THSD4: variants seen among roughly 807,000 people sequenced by gnomAD.
The protein encoded by THSD4 is thrombospondin type 1 domain containing 4.
Under a neutral mutation model 119.0 loss-of-function variants are expected in THSD4, and 69 were observed. That is an observed-to-expected ratio of 0.58 (90% CI 0.48 to 0.71). The LOEUF is 0.71. THSD4 is among the 30% of genes least tolerant of loss of function. The pLI is 0.00. For synonymous variants in THSD4, 524 were observed against 540.4 expected (o/e 0.97, Z 0.42); for missense variants, 1,393 against 1,391.1 (o/e 1.00, Z -0.02).
chr15:71,776,145 T>C lies in THSD4; in HGVS notation c.2915-1087T>C, dbSNP rs1046584062. Among the ~76,000 whole-genome samples the C allele has an allele frequency of 2.6e-5, 4 of 152,366 alleles. No homozygotes were observed. In the South Asian group the frequency reaches 6.2e-4, roughly 24 times the overall value. On this transcript the variant is annotated intron_variant, in intron 17 of 17. Transcript: ENST00000261862. The stretch of plus-strand genomic sequence containing the variant: ...TTTTAGAAGAGAACAGGGAAATTTA[T>C]ATTTTATTTCAGAGTACAGAAGGGT...
At chr15:71,154,979 G>A (rs761434942) in intron 3 of THSD4, 47 bp downstream of exon 3, 3 of 1,579,588 alleles carry the variant, frequency 1.9e-6, no homozygotes. Context: ...CAAGGGGCTA[G>A]GGCCACTGTG....
chr15:71,102,305 A>G (rs1011820868), intron 1 of THSD4, among the ~76,000 whole-genome samples: 3 of 151,982 alleles, frequency 2.0e-5, no homozygotes, highest in African/African-American at 7.2e-5. Context: ...TTCTTAAAAT[A>G]TTTTTTTCCC....
intron 7 of THSD4, among the ~76,000 whole-genome samples, chr15:71,652,328 C>A (rs1474601107): frequency 1.3e-5 from 2 of 151,618 alleles, no homozygotes. Context: ...ATTATGATCT[C>A]TTTAAACACA....
At position 71,395,870 on chromosome 15, in the gene THSD4, T is replaced by C. The variant is rs140621557; in HGVS notation, c.1016-15817T>C. On this transcript the variant is annotated intron_variant, in intron 6 of 17. Coordinates refer to ENST00000261862, the MANE Select transcript of THSD4 (RefSeq NM_024817.3). The stretch of plus-strand genomic sequence containing the variant: ...AACTCTCTTCCTGCTACAACCTTCC[T>C]TTTCCAGTGTCTCCCAAGTCTGCTT... Among the ~76,000 whole-genome samples, 753 of 151,782 alleles carry C rather than the reference T, an allele frequency of 5.0e-3. 3 individuals are homozygous for C. Among genetic ancestry groups the C allele is most frequent in the African/African-American group, 0.018 (725 of 41,294 alleles).
At chr15:71,143,081 A>G (rs571356136) in intron 2 of THSD4, among the ~76,000 whole-genome samples, 6 of 152,084 alleles carry the variant, frequency 3.9e-5, no homozygotes, top group Non-Finnish European at 7.4e-5. Context: ...CAATCCAAAT[A>G]CCCGCAGAGA....
intron 8 of THSD4, among the ~76,000 whole-genome samples, chr15:71,667,502 G>A (rs1274518882): frequency 2.0e-5 from 3 of 152,112 alleles, no homozygotes; most frequent in Non-Finnish European, 4.4e-5. Flanking sequence ...GACTTGGAAG[G>A]AATTTTTAAA....
chr15:71,160,067 T>C (rs1431284756), intron 3 of THSD4, among the ~76,000 whole-genome samples: 1 of 152,146 alleles, frequency 6.6e-6, no homozygotes, highest in East Asian at 1.9e-4. Context: ...TCTGCATCTT[T>C]TGAAATGATC....
intron 3 of THSD4, among the ~76,000 whole-genome samples, chr15:71,193,068 C>T (rs911061938): frequency 5.3e-5 from 8 of 152,180 alleles, no homozygotes; most frequent in East Asian, 1.9e-4. Context: ...CACAGGAATA[C>T]GAATGACTTC....
intron 7 of THSD4, among the ~76,000 whole-genome samples, chr15:71,520,986 G>A (rs569798664): frequency 6.6e-6 from 1 of 152,338 alleles, no homozygotes; most frequent in African/African-American, 2.4e-5. Flanking sequence ...TGAGTGGCTA[G>A]CATCTTCCTT....
chr15:71,587,106 TAA>T (rs2049685875), intron 7 of THSD4, among the ~76,000 whole-genome samples: 1 of 149,472 alleles, frequency 6.7e-6, no homozygotes, highest in Non-Finnish European at 1.5e-5. Flanking sequence ...TGGCAATCAT[TAA>T]AAAGTCAGGA....
intron 8 of THSD4, among the ~76,000 whole-genome samples, chr15:71,684,578 T>C (rs1474977950): frequency 6.6e-6 from 1 of 152,094 alleles, no homozygotes; most frequent in Non-Finnish European, 1.5e-5. Context: ...TACGTTATTT[T>C]TTCTTTAAAG....
intron 8 of THSD4, among the ~76,000 whole-genome samples, chr15:71,676,232 G>T (rs1270411975): frequency 6.6e-6 from 1 of 152,094 alleles, no homozygotes. Flanking sequence ...ATGATGTTAA[G>T]TGTATAATTC....
intron 5 of THSD4, among the ~76,000 whole-genome samples, chr15:71,244,862 C>T (rs1480894284): frequency 6.6e-6 from 1 of 152,180 alleles, no homozygotes; most frequent in Non-Finnish European, 1.5e-5. Flanking sequence ...TAGTGTATCT[C>T]TTAATTTTGA....
intron 7 of THSD4, among the ~76,000 whole-genome samples, chr15:71,505,026 T>C (rs898144201): frequency 5.9e-5 from 9 of 152,174 alleles, no homozygotes; most frequent in Non-Finnish European, 1.0e-4. Context: ...GGGCTATGGG[T>C]TTGAGGGAAG....
intron 6 of THSD4, among the ~76,000 whole-genome samples, chr15:71,337,275 T>TA (rs2045500772): frequency 6.6e-6 from 1 of 152,122 alleles, no homozygotes; most frequent in Non-Finnish European, 1.5e-5. Flanking sequence ...CACCTGGACA[T>TA]ACAGCATGTG....
intron 7 of THSD4, among the ~76,000 whole-genome samples, chr15:71,622,680 T>A (rs796938129): frequency 6.6e-6 from 1 of 152,170 alleles, no homozygotes; most frequent in Admixed American, 6.5e-5. Flanking sequence ...TAAGGACCAA[T>A]GGAGAAGCTC....
intron 3 of THSD4, chr15:71,164,641 A>G (rs1253098833): frequency 1.1e-5 from 15 of 1,422,372 alleles, no homozygotes; most frequent in Non-Finnish European, 1.3e-5. Flanking sequence ...ACAAAAAAAG[A>G]CACTGTACAG....
chr15:71,329,197 C>A (rs1200306433), intron 6 of THSD4, among the ~76,000 whole-genome samples: 1 of 152,158 alleles, frequency 6.6e-6, no homozygotes, highest in Non-Finnish European at 1.5e-5. Flanking sequence ...ATATTCCCAG[C>A]TTTCCTGACA....
intron 8 of THSD4, among the ~76,000 whole-genome samples, chr15:71,702,289 A>G (rs994572076): frequency 1.3e-5 from 2 of 152,188 alleles, no homozygotes; most frequent in Non-Finnish European, 2.9e-5. Context: ...TCATAGTCAT[A>G]TTTAAACTCT....
Sources: allele counts gnomAD v4.1 joint callset (sites outside exome capture counted in the v4.1 genomes callset), GRCh38; gene constraint gnomAD v4.1.1; transcripts MANE v1.5; gene names NCBI Gene and HGNC (gene_info 2026-07-23, HGNC 2026-07-21).